Variants in KIF6 observed in about 807,000 individuals in gnomAD.
KIF6 encodes the protein kinesin-like protein KIF6.
In KIF6, 106 loss-of-function variants were observed where a neutral mutation model predicts 112.7. That is an observed-to-expected ratio of 0.94 (90% CI 0.80 to 1.11). The LOEUF (loss-of-function observed/expected upper bound fraction) is 1.11, where lower values mean the gene tolerates loss of function less well. Ranked by LOEUF, KIF6 falls within the 50% of genes least tolerant of loss-of-function variation. The pLI is 0.00. For synonymous variants in KIF6, 339 were observed against 339.9 expected (o/e 1.00, Z 0.03); for missense variants, 929 against 964.0 (o/e 0.96, Z 0.48).
At chr6:39,569,752 A>G (rs1317779222) in intron 10 of KIF6, among the ~76,000 whole-genome samples, 1 of 152,190 alleles carries the variant, frequency 6.6e-6, no homozygotes, top group African/African-American at 2.4e-5. Flanking sequence ...CCAGCTGTCT[A>G]TCACAGCAGG....
At chr6:39,360,326 T>C in intron 18 of KIF6, 69 bp downstream of exon 18, 1 of 1,577,336 alleles carries the variant, frequency 6.3e-7, no homozygotes, top group Non-Finnish European at 8.6e-7. Flanking sequence ...CCACTGTGTC[T>C]CTTGACAGCC....
chr6:39,448,172 A>T (rs1420127689), intron 13 of KIF6, among the ~76,000 whole-genome samples: 1 of 151,774 alleles, frequency 6.6e-6, no homozygotes, highest in Non-Finnish European at 1.5e-5. Context: ...CAAAAAGTAC[A>T]TTTTATTAAT....
chr6:39,510,861 C>A (rs1273311164), intron 13 of KIF6, among the ~76,000 whole-genome samples: 3 of 28,272 alleles, frequency 1.1e-4, no homozygotes, highest in South Asian at 1.2e-3. Flanking sequence ...ATCTACCAAG[C>A]AAATGGGAAG....
At chr6:39,534,148 A>G (rs1778258855) in intron 13 of KIF6, among the ~76,000 whole-genome samples, 1 of 152,238 alleles carries the variant, frequency 6.6e-6, no homozygotes, top group Non-Finnish European at 1.5e-5. Flanking sequence ...TCTAAAAAGC[A>G]GAGCACCTCT....
At chr6:39,558,040 C>T (rs150150893) in intron 10 of KIF6, among the ~76,000 whole-genome samples, 316 of 151,444 alleles carry the variant, frequency 2.1e-3, no homozygotes, top group Middle Eastern at 3.4e-3. Flanking sequence ...ACTCTCAGAG[C>T]AAAGTTTAAA....
chr6:39,617,567 C>T (rs1173980096), intron 5 of KIF6, among the ~76,000 whole-genome samples: 4 of 152,128 alleles, frequency 2.6e-5, no homozygotes, highest in African/African-American at 4.8e-5. Context: ...TATGCAATGG[C>T]GCCATGTCTG....
chr6:39,584,459 A>AAAAGAC lies in KIF6; in HGVS notation c.1077+438_1077+439insGTCTTT, dbSNP rs1561836472. Among the ~76,000 whole-genome samples the AAAAGAC allele has an allele frequency of 1.2e-3, 148 of 128,590 alleles. 1 individual carries two copies. The highest frequency in any genetic ancestry group is 2.7e-3 in the East Asian group (12 of 4,388). 84.4% of individuals were successfully genotyped at this position (128,590 alleles called of 152,430 possible). ...AAAAAAAAAAAAAAAAAAAAAAAAA[A>AAAAGAC]AGACTATTATTGTCTCTAGATAGTT... On this transcript the variant is annotated intron_variant, in intron 9 of 22. Coordinates refer to ENST00000287152, the MANE Select transcript of KIF6 (RefSeq NM_145027.6).
chr6:39,397,529 T>C, intron 15 of KIF6, among the ~76,000 whole-genome samples: 1 of 149,032 alleles, frequency 6.7e-6, no homozygotes, highest in East Asian at 2.1e-4. Flanking sequence ...AGAACATCGT[T>C]TCCCCCTCCC....
intron 15 of KIF6, among the ~76,000 whole-genome samples, chr6:39,405,594 T>C (rs1342208776): frequency 6.6e-6 from 1 of 152,214 alleles, no homozygotes; most frequent in African/African-American, 2.4e-5. Context: ...TTTTTATATA[T>C]TGTTGTATTC....
intron 1 of KIF6, among the ~76,000 whole-genome samples, chr6:39,722,246 T>C (rs1392838786): frequency 2.0e-5 from 3 of 152,176 alleles, no homozygotes; most frequent in Non-Finnish European, 4.4e-5. Context: ...AAAAAGTCTA[T>C]ATTTCTCTGC....
intron 5 of KIF6, among the ~76,000 whole-genome samples, chr6:39,628,116 C>T (rs1355594639): frequency 6.6e-6 from 1 of 151,996 alleles, no homozygotes; most frequent in African/African-American, 2.4e-5. Context: ...ATCTCATATA[C>T]CCATTGCCCA....
intron 13 of KIF6, among the ~76,000 whole-genome samples, chr6:39,482,280 G>T (rs1774847535): frequency 6.6e-6 from 1 of 152,132 alleles, no homozygotes; most frequent in Admixed American, 6.6e-5. Context: ...AAACTTCACT[G>T]ATTCTACCTG....
At chr6:39,450,059 A>G (rs1772586800) in intron 13 of KIF6, among the ~76,000 whole-genome samples, 1 of 152,178 alleles carries the variant, frequency 6.6e-6, no homozygotes, top group Non-Finnish European at 1.5e-5. Flanking sequence ...CTCCATGAAT[A>G]ATTCTCTCCA....
At chr6:39,628,177 A>G (rs1374983592) in intron 5 of KIF6, among the ~76,000 whole-genome samples, 2 of 152,012 alleles carry the variant, frequency 1.3e-5, no homozygotes, top group East Asian at 3.9e-4. Context: ...AAATATCACA[A>G]CCAGGACATT....
At chr6:39,608,199 C>A (rs980912012) in intron 6 of KIF6, among the ~76,000 whole-genome samples, 9 of 152,168 alleles carry the variant, frequency 5.9e-5, no homozygotes, top group Admixed American at 2.0e-4. Context: ...ATCAGCATAA[C>A]TCAGATAAAT....
chr6:39,496,961 G>T (rs1376461294), intron 13 of KIF6, among the ~76,000 whole-genome samples: 1 of 152,172 alleles, frequency 6.6e-6, no homozygotes, highest in Non-Finnish European at 1.5e-5. Flanking sequence ...AATTGCTTGG[G>T]TCACAAAAGA....
chr6:39,425,854 A>G (rs1770728059), intron 14 of KIF6, among the ~76,000 whole-genome samples: 1 of 151,632 alleles, frequency 6.6e-6, no homozygotes, highest in Non-Finnish European at 1.5e-5. Flanking sequence ...GGGAGCCAGG[A>G]AACTCCTCCT....
At chr6:39,697,323 A>T (rs2113824084) in intron 3 of KIF6, among the ~76,000 whole-genome samples, 1 of 152,246 alleles carries the variant, frequency 6.6e-6, no homozygotes, top group Non-Finnish European at 1.5e-5. Context: ...TACTGAAGCT[A>T]GTAGAAAGGA....
At chr6:39,417,706 T>C (rs1009062541) in intron 15 of KIF6, among the ~76,000 whole-genome samples, 2 of 146,524 alleles carry the variant, frequency 1.4e-5, no homozygotes, top group African/African-American at 2.6e-5. Context: ...ACCACAGTTA[T>C]GGGGAATTTG....
Sources: allele counts gnomAD v4.1 joint callset (sites outside exome capture counted in the v4.1 genomes callset), GRCh38; gene constraint gnomAD v4.1.1; transcripts MANE v1.5; gene names NCBI Gene and HGNC (gene_info 2026-07-23, HGNC 2026-07-21).